Variants in ITGA8 observed in about 807,000 individuals in gnomAD.
ITGA8 encodes the protein integrin subunit alpha 8.
A neutral mutation model predicts 142.3 loss-of-function variants in ITGA8; 91 were observed. The ratio of observed to expected loss-of-function variants is 0.64; its 90% CI spans 0.54 to 0.76. The LOEUF is 0.76. Among genes scored for constraint, ITGA8 ranks in the 30% least tolerant of loss-of-function variants. The pLI, the probability that ITGA8 is intolerant of heterozygous loss-of-function variation, is 0.00. For synonymous variants in ITGA8, 505 were observed against 485.2 expected (o/e 1.04, Z -0.54); for missense variants, 1,406 against 1,327.7 (o/e 1.06, Z -0.92).
At chr10:15,670,511 G>A (rs542432093) in intron 8 of ITGA8, among the ~76,000 whole-genome samples, 5 of 152,084 alleles carry the variant, frequency 3.3e-5, no homozygotes, top group Non-Finnish European at 4.4e-5. Flanking sequence ...AATCTATTAC[G>A]AGCAACACAT....
At chr10:15,520,115 C>T (rs1833029352) in intron 28 of ITGA8, among the ~76,000 whole-genome samples, 1 of 151,988 alleles carries the variant, frequency 6.6e-6, no homozygotes, top group Non-Finnish European at 1.5e-5. Context: ...GACTTTAATC[C>T]TAAATCCAAA....
intron 20 of ITGA8, among the ~76,000 whole-genome samples, chr10:15,603,911 G>C (rs1291956705): frequency 6.6e-6 from 1 of 152,160 alleles, no homozygotes; most frequent in Non-Finnish European, 1.5e-5. Context: ...TAGCTTGGGA[G>C]TTTAGCTTTT....
chr10:15,656,795 G>A (rs890546752), intron 10 of ITGA8, among the ~76,000 whole-genome samples: 10 of 152,126 alleles, frequency 6.6e-5, no homozygotes, highest in African/African-American at 2.4e-4. Flanking sequence ...AGTGTGCCAT[G>A]CAATGTTTGA....
chr10:15,576,062 G>A (rs972824512), intron 23 of ITGA8, among the ~76,000 whole-genome samples: 9 of 152,066 alleles, frequency 5.9e-5, no homozygotes, highest in East Asian at 5.8e-4. Flanking sequence ...CTAGGATGCC[G>A]TGTGTTGTGT....
At chr10:15,629,075 C>T (rs1403746368) in intron 13 of ITGA8, among the ~76,000 whole-genome samples, 1 of 151,850 alleles carries the variant, frequency 6.6e-6, no homozygotes, top group Non-Finnish European at 1.5e-5. Context: ...TTTTCCATCA[C>T]ACTGCCTACT....
intron 8 of ITGA8, among the ~76,000 whole-genome samples, chr10:15,666,427 A>T (rs1834393168): frequency 6.6e-6 from 1 of 152,152 alleles, no homozygotes. Flanking sequence ...GGCTGAGACG[A>T]TGGGGTTTTC....
intron 13 of ITGA8, among the ~76,000 whole-genome samples, chr10:15,635,127 C>T (rs898272802): frequency 6.7e-6 from 1 of 149,532 alleles, no homozygotes; most frequent in Admixed American, 6.8e-5. Flanking sequence ...CTGCCTCAGT[C>T]TCCTGAGTAG....
In ITGA8 at chr10:15,608,242, G is replaced by A. The variant is rs1440244515; in HGVS notation, c.1602C>T (p.Asn534=). The A allele has an allele frequency of 6.3e-7, 1 of 1,595,930 alleles. No homozygotes were observed. The highest frequency in any genetic ancestry group is 8.5e-7 in the Non-Finnish European group (1 of 1,171,038). The part of the protein sequence containing the change: ...CASVTGQSIA[N]TIVLMAEVQL... ...AAATGAAAACATGCTTACCTATTGTGTTTGCAATGCTCTGGCCTGTGACAG... is the reference window on the plus strand; with the variant it reads ...AAATGAAAACATGCTTACCTATTGTATTTGCAATGCTCTGGCCTGTGACAG... Residue 534 remains asparagine, a synonymous_variant, in exon 16 of 30, where the codon AAC becomes AAT. Transcript: ENST00000378076.
At chr10:15,574,245 A>C (rs954762189) in intron 24 of ITGA8, among the ~76,000 whole-genome samples, 3 of 152,228 alleles carry the variant, frequency 2.0e-5, no homozygotes, top group Non-Finnish European at 4.4e-5. Flanking sequence ...TTTATGCATC[A>C]CTGGTTCACT....
chr10:15,597,029 G>A (rs1337204788), intron 21 of ITGA8, 178 bp downstream of exon 21: 1 of 585,308 alleles, frequency 1.7e-6, no homozygotes, highest in African/African-American at 1.9e-5. Flanking sequence ...TTTTTAGCTT[G>A]AGACGATTCA....
intron 2 of ITGA8, 35 bp downstream of exon 2, chr10:15,718,731 C>A: frequency 6.2e-7 from 1 of 1,608,534 alleles, no homozygotes; most frequent in Non-Finnish European, 8.5e-7. Context: ...CTTCCAAACC[C>A]AGGCCCACAG....
chr10:15,582,598 AC>A (rs1465154781), intron 23 of ITGA8, among the ~76,000 whole-genome samples: 2 of 152,256 alleles, frequency 1.3e-5, no homozygotes, highest in Non-Finnish European at 2.9e-5. Flanking sequence ...GAGACAGAAA[AC>A]CCAGTAATAA....
intron 10 of ITGA8, among the ~76,000 whole-genome samples, chr10:15,657,509 C>CTTTCTTTTTT (rs534714654): frequency 8.6e-6 from 1 of 116,500 alleles, no homozygotes; most frequent in Admixed American, 9.3e-5. Flanking sequence ...TCTTTTCTTT[C>CTTTCTTTTTT]ATTTTTTTTT....
intron 2 of ITGA8, among the ~76,000 whole-genome samples, chr10:15,690,867 A>G (rs924777770): frequency 3.9e-5 from 6 of 152,084 alleles, no homozygotes; most frequent in African/African-American, 1.2e-4. Context: ...CAATCCCCTA[A>G]AAAGCTTTTG....
In ITGA8 at chr10:15,568,172, C is replaced by A. The variant is rs1834111614; in HGVS notation, c.2637+4039G>T. 2.0e-5 allele frequency among the ~76,000 whole-genome samples: 3 copies of A among 152,190 alleles called. No individual in the cohort carries two copies. In the South Asian group the frequency reaches 6.2e-4, roughly 31 times the overall value. ...CTCCTGGCCTCAAGTGATCCTCCCA[C>A]TTCAGCTTCCCAAAGAGTTGGGATC... On this transcript the variant is annotated intron_variant, in intron 25 of 29. Transcript: ENST00000378076.
At position 15,671,622 on chromosome 10, in the gene ITGA8, A is replaced by G. The variant is rs750078964; in HGVS notation, c.828T>C (p.Phe276=). 9.3e-6 allele frequency: 15 copies of G among 1,612,926 alleles called. No individual in the cohort carries two copies. The East Asian group carries it at 1.6e-4, about 17-fold the overall frequency. ...TCTCACCTTGCTGAGAATCCCCAGT[A>G]AACTCCCCAGCAGCAACTGAGTATC... ...YLGYSVAAGE[F]TGDSQQELVA... The change falls in exon 8 of 30, where the codon TTT becomes TTC. Residue 276 remains phenylalanine (F), a synonymous_variant. Transcript: ENST00000378076.
At position 15,546,532 on chromosome 10, in the gene ITGA8, G is replaced by C. The variant is rs150692003; in HGVS notation, c.2880+1923C>G. On this transcript the variant is annotated intron_variant, in intron 27 of 29. Coordinates refer to ENST00000378076, the MANE Select transcript of ITGA8 (RefSeq NM_003638.3). ...GAGAGAATTTTGGTTGTCACACCTG[G>C]GGTGAGGGTGCTACCAGCACCTACT... Among the ~76,000 whole-genome samples, 199 of 152,254 alleles carry C rather than the reference G, an allele frequency of 1.3e-3. 1 individual carries two copies. The highest frequency in any genetic ancestry group is 4.6e-3 in the African/African-American group (190 of 41,542).
chr10:15,703,269 G>A (rs964128611), intron 2 of ITGA8, among the ~76,000 whole-genome samples: 1 of 152,128 alleles, frequency 6.6e-6, no homozygotes, highest in African/African-American at 2.4e-5. Context: ...TTCATGTCTA[G>A]ACTGTCTTCC....
Position 15,659,011 on chromosome 10 carries a change from G to T in ITGA8, c.936C>A (p.Phe312Leu), listed in dbSNP as rs1165780047. 1.2e-6 allele frequency: 2 copies of T among 1,603,740 alleles called. No homozygotes were observed. Among genetic ancestry groups the T allele is most frequent in the Admixed American group, 3.4e-5 (2 of 59,410 alleles). ...NSTDMTFIQN[F>L]TGEQMASYFG... ...AAAATGTCTCTACCTGTTCTCCCGT[G>T]AAATTCTGAATAAACGTCATATCCG... Residue 312 changes from phenylalanine (F) to leucine (L), a missense_variant, in exon 10 of 30, where the codon TTC becomes TTA. Phe to Leu is a conservative substitution (Grantham distance 22). Coordinates refer to ENST00000378076, the MANE Select transcript of ITGA8 (RefSeq NM_003638.3).
Sources: gnomAD v4.1 joint callset for allele counts (sites outside exome capture counted in the v4.1 genomes callset) on GRCh38, gnomAD v4.1.1 for gene constraint, MANE v1.5 for transcripts, NCBI Gene and HGNC (gene_info 2026-07-23, HGNC 2026-07-21) for gene names.